Variants in DLGAP1 observed in about 807,000 individuals in gnomAD.
The protein encoded by DLGAP1 is disks large-associated protein 1.
A neutral mutation model predicts 90.8 loss-of-function variants in DLGAP1; 11 were observed. The observed-to-expected ratio is 0.12, with a 90% CI of 0.08 to 0.20. The LOEUF is 0.20. Among genes scored for constraint, DLGAP1 ranks in the 10% least tolerant of loss-of-function variants. DLGAP1 has a pLI of 1.00. For synonymous variants in DLGAP1, 558 were observed against 540.7 expected (o/e 1.03, Z -0.44); for missense variants, 1,050 against 1,333.8 (o/e 0.79, Z 3.31).
At chr18:4,099,443 G>C (rs1009321613) in intron 2 of DLGAP1, among the ~76,000 whole-genome samples, 3 of 152,056 alleles carry the variant, frequency 2.0e-5, no homozygotes, top group Middle Eastern at 6.3e-3. Context: ...ATTTTTTTCA[G>C]TTTCCCAATG....
chr18:3,768,483 G>A (rs189413817), intron 5 of DLGAP1, among the ~76,000 whole-genome samples: 16 of 152,214 alleles, frequency 1.1e-4, no homozygotes, highest in African/African-American at 3.6e-4. Flanking sequence ...AAAGGAACAA[G>A]AATAGCTAAA....
intron 1 of DLGAP1, among the ~76,000 whole-genome samples, chr18:4,234,815 G>A (rs1368949642): frequency 2.0e-5 from 3 of 152,060 alleles, no homozygotes; most frequent in Non-Finnish European, 4.4e-5. Context: ...AGATGCTGAC[G>A]TTCTTTTTTT....
intron 10 of DLGAP1, among the ~76,000 whole-genome samples, chr18:3,518,528 A>T (rs891650323): frequency 1.9e-4 from 3 of 15,452 alleles, no homozygotes; most frequent in Admixed American, 1.3e-3. Context: ...ATTTGTTTAA[A>T]AAAAAAAAAA....
chr18:3,620,632 A>C (rs977324733), intron 7 of DLGAP1, among the ~76,000 whole-genome samples: 2 of 151,972 alleles, frequency 1.3e-5, no homozygotes, highest in African/African-American at 4.8e-5. Context: ...ATCTCAACTC[A>C]CTGCAACCTC....
chr18:4,172,171 A>G (rs1174705815), intron 1 of DLGAP1, among the ~76,000 whole-genome samples: 1 of 152,228 alleles, frequency 6.6e-6, no homozygotes, highest in African/African-American at 2.4e-5. Context: ...TTTGCCTCAG[A>G]TACATATGTC....
At chr18:3,677,853 T>C (rs1297085682) in intron 7 of DLGAP1, among the ~76,000 whole-genome samples, 2 of 152,052 alleles carry the variant, frequency 1.3e-5, no homozygotes, top group Non-Finnish European at 2.9e-5. Flanking sequence ...GAGATGAGGT[T>C]TCACCATGTT....
At chr18:3,506,789 A>G (rs2143756394) in intron 11 of DLGAP1, among the ~76,000 whole-genome samples, 1 of 151,838 alleles carries the variant, frequency 6.6e-6, no homozygotes, top group South Asian at 2.1e-4. Flanking sequence ...TATTTAAAGC[A>G]CAGAGAATCA....
chr18:4,147,030 C>A (rs544955587), intron 2 of DLGAP1, among the ~76,000 whole-genome samples: 1 of 152,170 alleles, frequency 6.6e-6, no homozygotes, highest in African/African-American at 2.4e-5. Flanking sequence ...ATGATGCATG[C>A]AGATAAAAGA....
At chr18:3,898,432 G>A (rs1186634878) in intron 3 of DLGAP1, among the ~76,000 whole-genome samples, 2 of 152,156 alleles carry the variant, frequency 1.3e-5, no homozygotes, top group African/African-American at 2.4e-5. Flanking sequence ...CCCAGAGGAG[G>A]AAAATGAGGT....
At chr18:4,276,150 G>T (rs1272305199) in intron 1 of DLGAP1, among the ~76,000 whole-genome samples, 1 of 150,338 alleles carries the variant, frequency 6.7e-6, no homozygotes, top group Non-Finnish European at 1.5e-5. Flanking sequence ...CTTTTTTGGC[G>T]GGGGGTGGGA....
At chr18:4,257,919 C>T (rs2078922559) in intron 1 of DLGAP1, among the ~76,000 whole-genome samples, 1 of 151,642 alleles carries the variant, frequency 6.6e-6, no homozygotes, top group South Asian at 2.1e-4. Context: ...GCTACTCCGC[C>T]CGGCCCAGTT....
At chr18:4,112,338 T>C (rs2075989301) in intron 2 of DLGAP1, among the ~76,000 whole-genome samples, 1 of 152,194 alleles carries the variant, frequency 6.6e-6, no homozygotes, top group Non-Finnish European at 1.5e-5. Flanking sequence ...TATGGACTCC[T>C]ATATGGTCTA....
intron 2 of DLGAP1, among the ~76,000 whole-genome samples, chr18:4,115,401 G>T (rs1343605482): frequency 6.6e-6 from 1 of 151,506 alleles, no homozygotes; most frequent in East Asian, 1.9e-4. Context: ...ATAGTTTGCT[G>T]TATTAACCTT....
chr18:3,499,712 C>G lies in DLGAP1; in HGVS notation c.2725-318G>C, dbSNP rs1157216621. The stretch of plus-strand genomic sequence containing the variant: ...CTCCCAGCACATTGAGTGCGGTTCT[C>G]TCTGGAGACTCCAGACTCCTCCTGG... On this transcript the variant is annotated intron_variant, in intron 12 of 12. Transcript: ENST00000315677. The surrounding 1 kb of genome is among the most constrained non-coding windows in gnomAD (Gnocchi z 6.4). Among the ~76,000 whole-genome samples the G allele has an allele frequency of 3.9e-5, 6 of 152,156 alleles. No individual in the cohort carries two copies. The highest frequency in any genetic ancestry group is 1.4e-4 in the African/African-American group (6 of 41,440).
At chr18:3,543,460 C>T (rs771378244) in intron 9 of DLGAP1, among the ~76,000 whole-genome samples, 5 of 152,014 alleles carry the variant, frequency 3.3e-5, no homozygotes, top group Middle Eastern at 3.2e-3. Context: ...CCACCTCATC[C>T]GGCCCCATGA....
intron 3 of DLGAP1, among the ~76,000 whole-genome samples, chr18:3,984,781 C>T (rs1164305123): frequency 2.0e-5 from 3 of 152,098 alleles, no homozygotes; most frequent in Admixed American, 6.5e-5. Context: ...TCTCACCAGC[C>T]CAGGTTCATC....
intron 4 of DLGAP1, among the ~76,000 whole-genome samples, chr18:3,817,340 G>C (rs1423629579): frequency 6.6e-6 from 1 of 152,102 alleles, no homozygotes; most frequent in Non-Finnish European, 1.5e-5. Context: ...TGTTGTTTAG[G>C]GAACCAGCTG....
chr18:3,958,067 T>A (rs933781651), intron 3 of DLGAP1, among the ~76,000 whole-genome samples: 9 of 152,088 alleles, frequency 5.9e-5, no homozygotes, highest in African/African-American at 1.9e-4. Flanking sequence ...CTAATCTTTG[T>A]ATTTTTAGTA....
intron 1 of DLGAP1, among the ~76,000 whole-genome samples, chr18:4,373,721 C>T (rs2081963022): frequency 6.6e-6 from 1 of 152,058 alleles, no homozygotes; most frequent in African/African-American, 2.4e-5. Flanking sequence ...TTTATTAGCC[C>T]TTATTTCTTT....
Sources: allele counts gnomAD v4.1 joint callset (sites outside exome capture counted in the v4.1 genomes callset), GRCh38; gene constraint gnomAD v4.1.1; non-coding constraint Gnocchi (gnomAD v3.1); transcripts MANE v1.5; gene names NCBI Gene and HGNC (gene_info 2026-07-23, HGNC 2026-07-21).